Variants in OXCT1 observed in about 807,000 individuals in gnomAD.
OXCT1 encodes the protein succinyl-CoA:3-ketoacid coenzyme A transferase 1, mitochondrial.
OXCT1 carries 27 observed loss-of-function variants against 69.6 expected under a neutral mutation model. The ratio of observed to expected loss-of-function variants is 0.39; its 90% CI spans 0.29 to 0.54. The LOEUF is 0.54. OXCT1 is among the 20% of genes least tolerant of loss of function. The pLI, the probability that OXCT1 is intolerant of heterozygous loss-of-function variation, is 0.72. For missense variants in OXCT1, 437 were observed against 650.2 expected, an observed-to-expected ratio of 0.67 and a Z score of 3.57; for synonymous variants, 202 against 217.8, an observed-to-expected ratio of 0.93 and a Z score of 0.64.
At chr5:41,804,952 T>G (rs923642333) in intron 9 of OXCT1, among the ~76,000 whole-genome samples, 6 of 152,086 alleles carry the variant, frequency 3.9e-5, no homozygotes, top group Non-Finnish European at 7.4e-5. Flanking sequence ...TCTACTGTAG[T>G]GAAAACTAGC....
At chr5:41,858,008 G>A (rs556232593) in intron 3 of OXCT1, among the ~76,000 whole-genome samples, 13 of 152,208 alleles carry the variant, frequency 8.5e-5, no homozygotes, top group Non-Finnish European at 1.5e-4. Context: ...GGATCTCTTT[G>A]GCTTTTCAAC....
intron 7 of OXCT1, among the ~76,000 whole-genome samples, chr5:41,807,973 T>C (rs1746768454): frequency 6.6e-6 from 1 of 152,070 alleles, no homozygotes; most frequent in Non-Finnish European, 1.5e-5. Context: ...ATTGCTGAAA[T>C]AATTTACTTA....
At chr5:41,809,697 C>T (rs1036026531) in intron 7 of OXCT1, among the ~76,000 whole-genome samples, 1 of 151,884 alleles carries the variant, frequency 6.6e-6, no homozygotes. Context: ...GATGGAAACC[C>T]GCCACTATTT....
intron 4 of OXCT1, among the ~76,000 whole-genome samples, 194 bp downstream of exon 4, chr5:41,853,225 T>TA (rs1218541991): frequency 6.6e-6 from 1 of 152,200 alleles, no homozygotes; most frequent in African/African-American, 2.4e-5. Flanking sequence ...TAGAAATATC[T>TA]CTTTTTTCAG....
intron 7 of OXCT1, among the ~76,000 whole-genome samples, chr5:41,811,677 T>C (rs1157306878): frequency 6.6e-6 from 1 of 151,996 alleles, no homozygotes; most frequent in African/African-American, 2.4e-5. Flanking sequence ...TATAAGGAAA[T>C]GCACAAAGAC....
At chr5:41,828,826 C>CT (rs1433465771) in intron 7 of OXCT1, among the ~76,000 whole-genome samples, 3 of 152,140 alleles carry the variant, frequency 2.0e-5, no homozygotes, top group Non-Finnish European at 4.4e-5. Context: ...AATGAAGGGT[C>CT]TGCACACTTT....
chr5:41,782,694 G>A (rs1342452402), intron 13 of OXCT1, among the ~76,000 whole-genome samples: 2 of 152,076 alleles, frequency 1.3e-5, no homozygotes, highest in Non-Finnish European at 2.9e-5. Context: ...CATTCTGTAG[G>A]TTTTCTGTTC....
intron 13 of OXCT1, among the ~76,000 whole-genome samples, chr5:41,784,738 T>C (rs1453882318): frequency 6.6e-6 from 1 of 152,206 alleles, no homozygotes; most frequent in Non-Finnish European, 1.5e-5. Flanking sequence ...GAGGATAAAA[T>C]GGCAATAAAT....
chr5:41,741,188 G>A (rs1412759705), intron 15 of OXCT1, among the ~76,000 whole-genome samples: 1 of 152,104 alleles, frequency 6.6e-6, no homozygotes, highest in Non-Finnish European at 1.5e-5. Flanking sequence ...CTGACCTCAG[G>A]TGATCCACCT....
chr5:41,738,661 G>C (rs1743008973), intron 16 of OXCT1, among the ~76,000 whole-genome samples: 1 of 152,120 alleles, frequency 6.6e-6, no homozygotes, highest in Admixed American at 6.6e-5. Context: ...AGACATTTTA[G>C]TTTTACTTTT....
intron 3 of OXCT1, among the ~76,000 whole-genome samples, chr5:41,859,175 T>C (rs1250246387): frequency 2.0e-5 from 3 of 152,236 alleles, no homozygotes; most frequent in Non-Finnish European, 4.4e-5. Context: ...GATAGATTGC[T>C]GCAGTCTTTG....
rs1026290181 is a variant in OXCT1, at chr5:41,730,834, A to T, written c.*895T>A. On this transcript the variant is annotated 3_prime_UTR_variant, in exon 17 of 17. Transcript: ENST00000196371. ...CCGTTGTTCTGTAGAAGTGTCATTC[A>T]ATATTTAAAATCTCCTCTGAACCAA... 16 of 152,218 alleles carry T rather than the reference A, an allele frequency of 1.1e-4. No individual in the cohort carries two copies. The highest frequency in any genetic ancestry group is 3.9e-4 in the African/African-American group (16 of 41,458). 9.4% of individuals were successfully genotyped at this position (152,218 alleles called of 1,614,324 possible). A position where few individuals can be genotyped will look rare whatever the true frequency, so the allele number is the denominator to read the frequency against.
intron 5 of OXCT1, among the ~76,000 whole-genome samples, chr5:41,849,200 C>T (rs10069904): frequency 5.3e-5 from 8 of 152,086 alleles, no homozygotes; most frequent in Non-Finnish European, 1.2e-4. Flanking sequence ...TCCCTCTGAT[C>T]GTTCCTAGGA....
At position 41,862,696 on chromosome 5, in the gene OXCT1, C is replaced by G. The variant is rs199713007; in HGVS notation, c.133G>C (p.Asp45His). 9.3e-6 allele frequency: 15 copies of G among 1,613,076 alleles called. No individual in the cohort carries two copies. In the East Asian group the frequency reaches 3.3e-4, roughly 36 times the overall value. ...SAHRHTKFYT[D>H]PVEAVKDIPD... ...ATGTCTTTTACAGCTTCTACTGGAT[C>G]TGTATAAAACTTGGTATGGCGATGA... Residue 45 changes from aspartate to histidine, a missense_variant, in exon 2 of 17, where the codon GAT becomes CAT. Asp to His is a moderately conservative substitution (Grantham distance 81). Around this residue, in one of 4 missense-constraint regions of OXCT1, gnomAD observed 79 missense variants for 61.5 expected, o/e 1.28. Transcript: ENST00000196371.
Position 41,733,962 on chromosome 5 carries a change from A to G in OXCT1, c.1522-2192T>C, listed in dbSNP as rs148279928. On this transcript the variant is annotated intron_variant, in intron 16 of 16. Coordinates refer to ENST00000196371, the MANE Select transcript of OXCT1 (RefSeq NM_000436.4). ...CAGTGCATTAATATCCCAAAAGTATATTGCTTGACTCTGGTAGAATGCCAG... is the reference window on the plus strand; with the variant it reads ...CAGTGCATTAATATCCCAAAAGTATGTTGCTTGACTCTGGTAGAATGCCAG... 2.1e-3 allele frequency among the ~76,000 whole-genome samples: 325 copies of G among 152,314 alleles called. 3 individuals are homozygous for G. Among genetic ancestry groups the G allele is most frequent in the African/African-American group, 7.7e-3 (320 of 41,544 alleles).
chr5:41,853,610 T>A (rs1024671982), intron 3 of OXCT1, 56 bp from the exon 4 acceptor site: 4 of 1,554,016 alleles, frequency 2.6e-6, no homozygotes, highest in Non-Finnish European at 3.5e-6. Flanking sequence ...CACTATTACA[T>A]CTTTTTAAAG....
intron 8 of OXCT1, among the ~76,000 whole-genome samples, chr5:41,805,919 T>C (rs1276781774): frequency 6.6e-6 from 1 of 152,106 alleles, no homozygotes; most frequent in East Asian, 1.9e-4. Flanking sequence ...CTGTTCAGTC[T>C]GTTTGAAGCA....
chr5:41,853,279 G>T, intron 4 of OXCT1, 140 bp downstream of exon 4: 1 of 693,342 alleles, frequency 1.4e-6, no homozygotes, highest in Non-Finnish European at 2.5e-6. Context: ...ATCAACAGGT[G>T]TGAGTTAGAA....
At chr5:41,846,159 T>A (rs1049924363) in intron 5 of OXCT1, among the ~76,000 whole-genome samples, 5 of 151,750 alleles carry the variant, frequency 3.3e-5, no homozygotes, top group Non-Finnish European at 7.4e-5. Context: ...ACTTTAAGTT[T>A]TAGGGTACAT....
Sources: allele counts gnomAD v4.1 joint callset (sites outside exome capture counted in the v4.1 genomes callset), GRCh38; gene constraint gnomAD v4.1.1; regional missense constraint gnomAD v4.1.1; transcripts MANE v1.5; gene names NCBI Gene and HGNC (gene_info 2026-07-23, HGNC 2026-07-21).